The following RAP1B variants were observed in gnomAD, a reference collection of about 807,000 sequenced individuals.
The protein encoded by RAP1B is ras-related protein Rap-1b.
Under a neutral mutation model 27.5 loss-of-function variants are expected in RAP1B, and 1 was observed. The ratio of observed to expected loss-of-function variants is 0.04; its 90% CI spans 0.01 to 0.17. RAP1B has a LOEUF of 0.17. RAP1B is among the 10% of genes least tolerant of loss of function. The pLI is 1.00. For synonymous variants in RAP1B, 75 were observed against 73.1 expected, an observed-to-expected ratio of 1.03 and a Z score of -0.13; for missense variants, 84 against 214.8, an observed-to-expected ratio of 0.39 and a Z score of 3.81.
At chr12:68,636,042 G>C (rs1237545957) in intron 1 of RAP1B, among the ~76,000 whole-genome samples, 1 of 149,924 alleles carries the variant, frequency 6.7e-6, no homozygotes, top group African/African-American at 2.4e-5. Context: ...CCACATTCGA[G>C]TATTTTTTTT....
chr12:68,639,003 T>C (rs1872814009), intron 1 of RAP1B, among the ~76,000 whole-genome samples: 1 of 152,166 alleles, frequency 6.6e-6, no homozygotes, highest in African/African-American at 2.4e-5. Flanking sequence ...TTCTTCAAAG[T>C]CTGGTACATG....
chr12:68,650,616 A>G, intron 3 of RAP1B, 148 bp downstream of exon 3: 3 of 727,356 alleles, frequency 4.1e-6, no homozygotes, highest in Non-Finnish European at 5.9e-6. Context: ...CTGGCATTGC[A>G]TAGTTACCAG....
chr12:68,657,759 CACA>C (rs1160802192), intron 7 of RAP1B: 3 of 161,076 alleles, frequency 1.9e-5, no homozygotes, highest in African/African-American at 7.4e-5. Context: ...CACACACACA[CACA>C]CACACACACA....
intron 1 of RAP1B, among the ~76,000 whole-genome samples, chr12:68,626,286 TC>T (rs34733639): frequency 6.6e-6 from 1 of 152,206 alleles, no homozygotes; most frequent in Non-Finnish European, 1.5e-5. Flanking sequence ...GTTCCTCACT[TC>T]CAATTTCTTA....
intron 4 of RAP1B, among the ~76,000 whole-genome samples, chr12:68,653,186 G>A (rs1022249235): frequency 3.3e-5 from 5 of 152,126 alleles, no homozygotes; most frequent in African/African-American, 9.7e-5. Context: ...TCCAGCTTGG[G>A]TGACAGAGTG....
chr12:68,633,266 G>A (rs574543850), intron 1 of RAP1B, among the ~76,000 whole-genome samples: 10 of 151,566 alleles, frequency 6.6e-5, no homozygotes, highest in South Asian at 2.1e-4. Flanking sequence ...TACTCATCCC[G>A]TTCCCCAGAG....
rs917978668 is a variant in RAP1B at position 68,667,802 on chromosome 12, G to A, written c.*8553G>A. ...GCCTTGGATCATACAGGATTTCAACGGGAGATTTATAAGTCTATTTTGTTA... is the reference window on the plus strand; with the variant it reads ...GCCTTGGATCATACAGGATTTCAACAGGAGATTTATAAGTCTATTTTGTTA... On this transcript the variant is annotated 3_prime_UTR_variant, in exon 8 of 8. Coordinates refer to ENST00000250559, the MANE Select transcript of RAP1B (RefSeq NM_001010942.3). 9 of 152,140 alleles carry A rather than the reference G, an allele frequency of 5.9e-5. No homozygotes were observed. The highest frequency in any genetic ancestry group is 9.7e-5 in the African/African-American group (4 of 41,426). The allele number at this position is 152,140 out of a possible 1,614,324, so 9.4% of individuals were successfully genotyped here.
chr12:68,642,984 G>A (rs955684871), intron 1 of RAP1B: 24 of 807,492 alleles, frequency 3.0e-5, no homozygotes, highest in Admixed American at 8.5e-5. Flanking sequence ...GCAAGTTTTC[G>A]CCCAGCCATG....
At chr12:68,633,713 T>C (rs1201444325) in intron 1 of RAP1B, among the ~76,000 whole-genome samples, 1 of 152,006 alleles carries the variant, frequency 6.6e-6, no homozygotes, top group East Asian at 1.9e-4. Flanking sequence ...TACTAAAAAA[T>C]ACAAAAATTA....
chr12:68,654,234 A>C lies in RAP1B; in HGVS notation c.306A>C (p.Arg102=). The C allele has an allele frequency of 1.3e-6, 2 of 1,596,612 alleles. No homozygotes were observed. The highest frequency in any genetic ancestry group is 1.7e-6 in the Non-Finnish European group (2 of 1,168,646). The change falls in exon 5 of 8, where the codon CGA becomes CGC. Residue 102 remains arginine, a synonymous_variant. Coordinates refer to ENST00000250559, the MANE Select transcript of RAP1B (RefSeq NM_001010942.3). ...DLQDLREQIL[R]VKDTDDVPMI... ...AAGACCTGAGAGAACAGATTCTTCG[A>C]GTTAAAGACACTGATGATGTAAGCT...
intron 5 of RAP1B, among the ~76,000 whole-genome samples, chr12:68,654,706 T>C (rs1202167702): frequency 6.6e-6 from 1 of 152,126 alleles, no homozygotes; most frequent in Non-Finnish European, 1.5e-5. Context: ...CTCGATCTCC[T>C]GACCTTGTGA....
At chr12:68,644,713 G>C (rs1193929570) in intron 1 of RAP1B, among the ~76,000 whole-genome samples, 1 of 132,838 alleles carries the variant, frequency 7.5e-6, no homozygotes, top group Non-Finnish European at 1.6e-5. Context: ...TTTTGAGATG[G>C]AGTCTTGCTG....
rs186406893 is a variant in RAP1B, at chr12:68,623,016, A to G, written c.-27+11973A>G. Among the ~76,000 whole-genome samples, 225 of 152,318 alleles carry G rather than the reference A, an allele frequency of 1.5e-3. 5 individuals carry two copies. The South Asian group carries it at 0.022, about 15-fold the overall frequency. On this transcript the variant is annotated intron_variant, in intron 1 of 7. Transcript: ENST00000250559. ...CACACCCAGCCTTAAACTAATTTTT[A>G]AAGTTTTATATCTATGTCCAACTAT... is the stretch of plus-strand genomic sequence containing the variant.
In RAP1B at chr12:68,642,792, C is replaced by G; in HGVS notation, c.-26-5907C>G. 2.9e-6 allele frequency: 3 copies of G among 1,037,988 alleles called. No homozygotes were observed. In the South Asian group the frequency reaches 3.8e-5, roughly 13 times the overall value. The allele number at this position is 1,037,988 out of a possible 1,614,324, so 64.3% of individuals were successfully genotyped here. A position where few individuals can be genotyped will look rare whatever the true frequency, so the allele number is the denominator to read the frequency against. Reference sequence around the variant, plus strand: ...AGGGCATTAAACTTCTTAAAGTCATCCACCAAACCGGCCTTGGCCACGTTG... The same window carrying G: ...AGGGCATTAAACTTCTTAAAGTCATGCACCAAACCGGCCTTGGCCACGTTG... On this transcript the variant is annotated intron_variant, in intron 1 of 7. Coordinates refer to ENST00000250559, the MANE Select transcript of RAP1B (RefSeq NM_001010942.3).
At chr12:68,657,327 T>C in intron 7 of RAP1B, 110 bp downstream of exon 7, 2 of 652,744 alleles carry the variant, frequency 3.1e-6, no homozygotes, top group Non-Finnish European at 5.4e-6. Flanking sequence ...AAATAAATGG[T>C]TTATTTTTAT....
rs557741150 is a variant in RAP1B, at chr12:68,616,294, G to A, written c.-27+5251G>A. 1.6e-3 allele frequency among the ~76,000 whole-genome samples: 219 copies of A among 139,434 alleles called. 1 individual carries two copies. Among genetic ancestry groups the A allele is most frequent in the African/African-American group, 5.6e-3 (209 of 37,426 alleles). The allele number at this position is 139,434 out of a possible 152,430, so 91.5% of individuals were successfully genotyped here. ...TTTTGTTGTTGTTGTTTTGTTTTTTGTTTTTTTTGAGACAGAGTCTCGCTC... is the reference window on the plus strand; with the variant it reads ...TTTTGTTGTTGTTGTTTTGTTTTTTATTTTTTTTGAGACAGAGTCTCGCTC... On this transcript the variant is annotated intron_variant, in intron 1 of 7. Transcript: ENST00000250559.
intron 2 of RAP1B, 52 bp downstream of exon 2, chr12:68,648,833 T>C: frequency 6.7e-7 from 1 of 1,500,000 alleles, no homozygotes; most frequent in East Asian, 2.3e-5. Flanking sequence ...GTTCTTTTTC[T>C]GTTGAGTTTT....
intron 4 of RAP1B, among the ~76,000 whole-genome samples, chr12:68,652,273 C>G (rs901033594): frequency 3.0e-4 from 45 of 152,008 alleles, no homozygotes; most frequent in Admixed American, 2.6e-3. Context: ...TAGTGAAACC[C>G]CATCTCTACT....
chr12:68,638,074 A>T (rs754473232), intron 1 of RAP1B, among the ~76,000 whole-genome samples: 55 of 152,172 alleles, frequency 3.6e-4, no homozygotes, highest in Non-Finnish European at 7.5e-4. Flanking sequence ...CCTGGATAGG[A>T]TTAAAGCAGT....
Sources: allele counts gnomAD v4.1 joint callset (sites outside exome capture counted in the v4.1 genomes callset), GRCh38; gene constraint gnomAD v4.1.1; transcripts MANE v1.5; gene names NCBI Gene and HGNC (gene_info 2026-07-23, HGNC 2026-07-21).